The following CAB39 variants were observed in gnomAD, a reference collection of about 807,000 sequenced individuals.
The protein encoded by CAB39 is calcium binding protein 39.
CAB39 carries 8 observed loss-of-function variants against 40.0 expected under a neutral mutation model. That is an observed-to-expected ratio of 0.20 (90% CI 0.12 to 0.36). The LOEUF is 0.36. Among genes scored for constraint, CAB39 ranks in the 10% least tolerant of loss-of-function variants. The pLI is 1.00. For synonymous variants in CAB39, 156 were observed against 141.6 expected (o/e 1.10, Z -0.72); for missense variants, 270 against 401.1 (o/e 0.67, Z 2.79).
intron 2 of CAB39, among the ~76,000 whole-genome samples, chr2:230,788,334 A>C (rs962726349): frequency 1.3e-5 from 2 of 151,576 alleles, no homozygotes; most frequent in African/African-American, 2.4e-5. Context: ...ATACTACTTC[A>C]GTTATTATAA....
intron 2 of CAB39, among the ~76,000 whole-genome samples, chr2:230,761,384 A>G (rs1220217418): frequency 6.6e-6 from 1 of 152,172 alleles, no homozygotes; most frequent in Non-Finnish European, 1.5e-5. Context: ...ACTTAACTGT[A>G]AAAAATATGA....
At chr2:230,762,198 G>A (rs564883562) in intron 2 of CAB39, among the ~76,000 whole-genome samples, 9 of 152,054 alleles carry the variant, frequency 5.9e-5, no homozygotes, top group African/African-American at 1.2e-4. Context: ...GTGAACCACC[G>A]TGCCCAGCTG....
chr2:230,778,979 A>G (rs559248382), intron 2 of CAB39: 8 of 152,264 alleles, frequency 5.3e-5, no homozygotes, highest in East Asian at 1.9e-4. Flanking sequence ...ATAGTTACCT[A>G]TGTCCTCACC....
intron 4 of CAB39, among the ~76,000 whole-genome samples, chr2:230,795,334 GCT>G (rs1254148795): frequency 6.6e-6 from 1 of 151,716 alleles, no homozygotes; most frequent in African/African-American, 2.4e-5. Flanking sequence ...AATACTCTGA[GCT>G]CTCTTTTAAT....
At chr2:230,800,944 C>T (rs927399969) in intron 5 of CAB39, among the ~76,000 whole-genome samples, 3 of 151,934 alleles carry the variant, frequency 2.0e-5, no homozygotes, top group African/African-American at 7.3e-5. Context: ...TAAAGCAGCC[C>T]TATCAGGTCA....
At chr2:230,794,628 G>A (rs140705877) in intron 4 of CAB39, among the ~76,000 whole-genome samples, 5 of 152,206 alleles carry the variant, frequency 3.3e-5, no homozygotes, top group African/African-American at 1.2e-4. Context: ...GCTGGCCAGA[G>A]CAGACACTTC....
intron 2 of CAB39, among the ~76,000 whole-genome samples, chr2:230,786,526 C>T (rs914568943): frequency 6.6e-6 from 1 of 152,170 alleles, no homozygotes; most frequent in Non-Finnish European, 1.5e-5. Context: ...AACCTGTACC[C>T]TTTAGTTATT....
intron 5 of CAB39, among the ~76,000 whole-genome samples, chr2:230,807,655 G>A (rs1299018871): frequency 2.0e-5 from 3 of 152,192 alleles, no homozygotes; most frequent in Non-Finnish European, 4.4e-5. Flanking sequence ...GCCCATCTGT[G>A]AGCCTCTGGC....
In CAB39 at chr2:230,790,980, T is replaced by C; in HGVS notation, c.223T>C (p.Tyr75His). Residue 75 changes from tyrosine (Y) to histidine (H), a missense_variant, in exon 3 of 9, where the codon TAT becomes CAT. By Grantham distance (83) the Tyr-to-His change is moderately conservative. Transcript: ENST00000258418. ...EAVAQLAQEL[Y>H]NSGLLSTLVA... Reference sequence around the variant, plus strand: ...AGTAGCTCAACTTGCTCAAGAACTCTATAATAGTGGGCTCCTTAGCACCCT... The same window carrying C: ...AGTAGCTCAACTTGCTCAAGAACTCCATAATAGTGGGCTCCTTAGCACCCT... 3.1e-6 allele frequency: 5 copies of C among 1,612,864 alleles called. No individual in the cohort carries two copies. The highest frequency in any genetic ancestry group is 4.2e-6 in the Non-Finnish European group (5 of 1,179,100).
At chr2:230,761,273 A>ATG (rs1695285692) in intron 2 of CAB39, among the ~76,000 whole-genome samples, 1 of 152,192 alleles carries the variant, frequency 6.6e-6, no homozygotes, top group Non-Finnish European at 1.5e-5. Flanking sequence ...TCAGCCACCA[A>ATG]TGTCATAGTC....
chr2:230,780,800 G>A (rs1164578921), intron 2 of CAB39, among the ~76,000 whole-genome samples: 1 of 152,144 alleles, frequency 6.6e-6, no homozygotes, highest in Non-Finnish European at 1.5e-5. Flanking sequence ...AAGTATCTTG[G>A]AGCCAGGCTC....
rs570562936 is a variant in CAB39, at chr2:230,809,537, G to A, written c.568-726G>A. 7.9e-5 allele frequency among the ~76,000 whole-genome samples: 12 copies of A among 152,278 alleles called. No homozygotes were observed. The East Asian group carries it at 2.3e-3, about 29-fold the overall frequency. On this transcript the variant is annotated intron_variant, in intron 5 of 8. Transcript: ENST00000258418. Reference sequence around the variant, plus strand: ...CTTTGCTAACTTCTAGGTCCTTGAAGGCAGGGATCATATCTTTTTGTCTTT... The same window carrying A: ...CTTTGCTAACTTCTAGGTCCTTGAAAGCAGGGATCATATCTTTTTGTCTTT...
intron 1 of CAB39, among the ~76,000 whole-genome samples, chr2:230,715,744 T>C (rs900484873): frequency 2.0e-5 from 3 of 152,236 alleles, no homozygotes. Context: ...ACTCGGTCGC[T>C]CAGGCCGGAG....
chr2:230,784,350 G>T (rs1219187212), intron 2 of CAB39, among the ~76,000 whole-genome samples: 1 of 152,180 alleles, frequency 6.6e-6, no homozygotes, highest in Non-Finnish European at 1.5e-5. Flanking sequence ...GACATTTTGA[G>T]AAGGCTGCCC....
intron 2 of CAB39, among the ~76,000 whole-genome samples, chr2:230,787,204 C>T (rs891943633): frequency 1.3e-5 from 2 of 152,150 alleles, no homozygotes; most frequent in Non-Finnish European, 1.5e-5. Context: ...TGGAATATAA[C>T]TTGGAAATAG....
intron 5 of CAB39, among the ~76,000 whole-genome samples, chr2:230,801,547 T>C (rs925967830): frequency 9.9e-5 from 15 of 152,132 alleles, no homozygotes. Flanking sequence ...TCCATAGCCC[T>C]GGAACAGGTG....
At chr2:230,798,525 C>G (rs149864694) in intron 4 of CAB39, among the ~76,000 whole-genome samples, 32 of 152,294 alleles carry the variant, frequency 2.1e-4, no homozygotes, top group African/African-American at 7.7e-4. Flanking sequence ...TCATCACCAA[C>G]CAGTGTGTGT....
Position 230,799,788 on chromosome 2 carries a change from C to T in CAB39, c.567+891C>T, listed in dbSNP as rs547464053. ...GGCGGATGACCTGAGGTCGGGAGTT[C>T]GAGACCAGCCTCACCAACATGGAGA... On this transcript the variant is annotated intron_variant, in intron 5 of 8. Transcript: ENST00000258418. 5.9e-5 allele frequency among the ~76,000 whole-genome samples: 9 copies of T among 152,160 alleles called. No individual in the cohort carries two copies. The East Asian group carries it at 9.7e-4, about 16-fold the overall frequency.
chr2:230,742,387 G>A (rs1172187599), intron 1 of CAB39, among the ~76,000 whole-genome samples: 2 of 152,108 alleles, frequency 1.3e-5, no homozygotes, highest in Non-Finnish European at 2.9e-5. Flanking sequence ...GTGTTAGCCA[G>A]GATGGTCTCG....
Sources: gnomAD v4.1 joint callset for allele counts (sites outside exome capture counted in the v4.1 genomes callset) on GRCh38, gnomAD v4.1.1 for gene constraint, MANE v1.5 for transcripts, NCBI Gene and HGNC (gene_info 2026-07-23, HGNC 2026-07-21) for gene names.